Variants in CEP250 observed in about 807,000 individuals in gnomAD.
The protein encoded by CEP250 is centrosomal protein 250.
In CEP250, 242 loss-of-function variants were observed where a neutral mutation model predicts 315.7. The observed-to-expected ratio is 0.77, with a 90% CI of 0.69 to 0.85. CEP250 has a LOEUF of 0.85. Ranked by LOEUF, CEP250 falls within the 40% of genes least tolerant of loss-of-function variation. The pLI, the probability that CEP250 is intolerant of heterozygous loss-of-function variation, is 0.00. For missense variants in CEP250, 2,515 were observed against 2,886.4 expected (o/e 0.87, Z 2.95); for synonymous variants, 1,088 against 1,175.0 (o/e 0.93, Z 1.51).
At chr20:35,457,768 C>T (rs950999563) in intron 1 of CEP250, among the ~76,000 whole-genome samples, 1 of 152,154 alleles carries the variant, frequency 6.6e-6, no homozygotes, top group Non-Finnish European at 1.5e-5. Flanking sequence ...CAGTGCACTA[C>T]AGCCTGGGTA....
chr20:35,463,510 G>A, intron 4 of CEP250, 65 bp from the exon 5 acceptor site: 3 of 1,442,656 alleles, frequency 2.1e-6, no homozygotes, highest in Non-Finnish European at 1.9e-6. Context: ...ATCCTCAGGG[G>A]CCTTTGCTTT....
chr20:35,494,711 CT>C (rs758421679), intron 24 of CEP250, 54 bp downstream of exon 24: 75 of 1,603,588 alleles, frequency 4.7e-5, no homozygotes, highest in Non-Finnish European at 6.3e-5. Flanking sequence ...GCCATGGTCA[CT>C]GTGATATTGA....
intron 5 of CEP250, 87 bp downstream of exon 5, chr20:35,463,718 T>G: frequency 1.8e-6 from 2 of 1,110,504 alleles, no homozygotes; most frequent in African/African-American, 3.2e-5. Flanking sequence ...GAGGTTGGAG[T>G]GTACAAGTGA....
intron 7 of CEP250, among the ~76,000 whole-genome samples, chr20:35,466,535 C>G (rs1333623896): frequency 6.6e-6 from 1 of 152,006 alleles, no homozygotes; most frequent in Non-Finnish European, 1.5e-5. Context: ...TATCTAGATG[C>G]TAAGGAGGTA....
Position 35,509,979 on chromosome 20 carries a change from T to C in CEP250, c.7009-19T>C. On this transcript the variant is annotated intron_variant, in intron 33 of 34. Transcript: ENST00000397527. ...GTGGGAAGGCCTATGCCAACAAGAG[T>C]GCTGTTTGTCTTCCTTAGGATGGGA... The C allele has an allele frequency of 6.2e-7, 1 of 1,612,910 alleles. No individual in the cohort carries two copies. The highest frequency in any genetic ancestry group is 8.5e-7 in the Non-Finnish European group (1 of 1,178,982).
chr20:35,504,181 C>G lies in CEP250; in HGVS notation c.5812C>G (p.Arg1938Gly), dbSNP rs548722507. ...WLQAQAVLKE[R>G]DQELEALRAE... ...GCAGGCCCAGGCAGTGCTCAAGGAACGGGACCAGGAGCTGGAAGCTCTGCG... is the reference window on the plus strand; with the variant it reads ...GCAGGCCCAGGCAGTGCTCAAGGAAGGGGACCAGGAGCTGGAAGCTCTGCG... The change falls in exon 30 of 35, where the codon CGG (arginine) becomes GGG (glycine). Residue 1938 changes from arginine to glycine, a missense_variant. Transcript: ENST00000397527. The G allele has an allele frequency of 6.2e-7, 1 of 1,613,684 alleles. No individual in the cohort carries two copies. Among genetic ancestry groups the G allele is most frequent in the Non-Finnish European group, 8.5e-7 (1 of 1,179,854 alleles).
rs907832190 is a variant in CEP250, at chr20:35,455,771, G to A, written c.-298+20G>A. The A allele has an allele frequency of 6.6e-6, 1 of 152,272 alleles. No individual in the cohort carries two copies. The highest frequency in any genetic ancestry group is 2.4e-5 in the African/African-American group (1 of 41,464). 9.4% of individuals were successfully genotyped at this position (152,272 alleles called of 1,614,324 possible). On this transcript the variant is annotated intron_variant, in intron 1 of 34. Coordinates refer to ENST00000397527, the MANE Select transcript of CEP250 (RefSeq NM_007186.6). ...GACACCGTAAGCTCGTTCGTTAGAT[G>A]TTATGCCTTGCCTTTTTCATCTCTA... is the stretch of plus-strand genomic sequence containing the variant.
At chr20:35,497,000 G>A (rs544898697) in intron 25 of CEP250, among the ~76,000 whole-genome samples, 20 of 152,290 alleles carry the variant, frequency 1.3e-4, no homozygotes, top group South Asian at 1.2e-3. Flanking sequence ...CCAGCACACC[G>A]GCTTCAAAGT....
chr20:35,497,323 A>G (rs567110264), intron 25 of CEP250, among the ~76,000 whole-genome samples: 8 of 152,334 alleles, frequency 5.3e-5, no homozygotes, highest in Non-Finnish European at 1.0e-4. Flanking sequence ...CCTAATTCCT[A>G]TAACCATTAT....
In CEP250 at chr20:35,511,800, C is replaced by G. The variant is rs2064370415; in HGVS notation, c.*174C>G. On this transcript the variant is annotated 3_prime_UTR_variant, in exon 35 of 35. Transcript: ENST00000397527. ...TCTGCAACCCTGGGGAGGACCCCAACTCACCTGGGAATGAGGCAAATTGCA... is the reference window on the plus strand; with the variant it reads ...TCTGCAACCCTGGGGAGGACCCCAAGTCACCTGGGAATGAGGCAAATTGCA... The G allele has an allele frequency of 7.1e-7, 1 of 1,413,466 alleles. No individual in the cohort carries two copies. Among genetic ancestry groups the G allele is most frequent in the East Asian group, 2.5e-5 (1 of 39,486 alleles). 87.6% of individuals were successfully genotyped at this position (1,413,466 alleles called of 1,614,324 possible).
chr20:35,472,908 C>G, intron 12 of CEP250, 77 bp downstream of exon 12: 3 of 1,401,976 alleles, frequency 2.1e-6, no homozygotes, highest in Non-Finnish European at 3.0e-6. Flanking sequence ...ACCTCCCTAG[C>G]CTGGACTATC....
intron 10 of CEP250, among the ~76,000 whole-genome samples, chr20:35,470,937 G>A (rs2063010200): frequency 6.6e-6 from 1 of 152,172 alleles, no homozygotes; most frequent in South Asian, 2.1e-4. Context: ...GATGTTATCA[G>A]AGGGCTTCTC....
At chr20:35,506,386 A>G (rs1168396954) in intron 30 of CEP250, among the ~76,000 whole-genome samples, 2 of 152,168 alleles carry the variant, frequency 1.3e-5, no homozygotes, top group Non-Finnish European at 2.9e-5. Context: ...AGGGTGTATT[A>G]TTTAACCTCA....
intron 27 of CEP250, among the ~76,000 whole-genome samples, chr20:35,499,805 G>A (rs2063949875): frequency 1.3e-5 from 2 of 152,158 alleles, no homozygotes; most frequent in South Asian, 4.1e-4. Flanking sequence ...CAGGAGCTCT[G>A]TTTCAAAAGA....
intron 20 of CEP250, among the ~76,000 whole-genome samples, chr20:35,487,402 G>A (rs776542991): frequency 1.3e-5 from 2 of 152,022 alleles, no homozygotes; most frequent in African/African-American, 2.4e-5. Flanking sequence ...CCAGGGAGGT[G>A]GAGGTTGCAG....
chr20:35,501,886 G>T lies in CEP250; in HGVS notation c.3940G>T (p.Glu1314Ter). Residue 1314 changes from glutamate (E) to a stop codon, truncating the protein, a stop_gained, in exon 29 of 35, where the codon GAG (glutamate) becomes TAG (stop). Coordinates refer to ENST00000397527, the MANE Select transcript of CEP250 (RefSeq NM_007186.6). LOFTEE classifies it high-confidence loss of function. ...AGGAAAGCAGAACTCCCTAGAATCT[G>T]AGCTGATGGAACTACATGAAACTAT... ...WEGKQNSLES[E>*]LMELHETMAS... 1 of 1,613,590 alleles carries T rather than the reference G, an allele frequency of 6.2e-7. No homozygotes were observed.
chr20:35,518,337 G>C lies in CEP250; in HGVS notation c.*6711G>C, dbSNP rs900843223. On this transcript the variant is annotated 3_prime_UTR_variant, in exon 35 of 35. Coordinates refer to ENST00000397527, the MANE Select transcript of CEP250 (RefSeq NM_007186.6). The stretch of plus-strand genomic sequence containing the variant: ...CAATGTGTCAGGGATGTCGGTTTAT[G>C]TGGGATATTTGCATTTTGTTAGGTT... The C allele has an allele frequency of 2.6e-5, 4 of 152,196 alleles. No individual in the cohort carries two copies. Among genetic ancestry groups the C allele is most frequent in the Admixed American group, 2.6e-4 (4 of 15,284 alleles). 9.4% of individuals were successfully genotyped at this position (152,196 alleles called of 1,614,324 possible).
intron 34 of CEP250, 66 bp from the exon 35 acceptor site, chr20:35,511,297 G>T: frequency 7.3e-7 from 1 of 1,374,802 alleles, no homozygotes; most frequent in Middle Eastern, 1.9e-4. Flanking sequence ...CACAGAGCAG[G>T]AAGAGCTGGG....
Position 35,477,990 on chromosome 20 carries a change from C to A in CEP250, c.1983C>A (p.Asn661Lys). The A allele has an allele frequency of 6.2e-7, 1 of 1,613,954 alleles. No individual in the cohort carries two copies. Among genetic ancestry groups the A allele is most frequent in the Non-Finnish European group, 8.5e-7 (1 of 1,179,936 alleles). ...EKRREALWEK[N>K]THLEAQLQKA... ...GGAGGGAAGCCCTGTGGGAAAAGAA[C>A]ACTCACCTGGAGGCTCAGCTGCAGA... Residue 661 changes from asparagine to lysine, a missense_variant, in exon 17 of 35, where the codon AAC (asparagine) becomes AAA (lysine). By Grantham distance (94) the Asn-to-Lys change is moderately conservative. Transcript: ENST00000397527.
Sources: allele counts gnomAD v4.1 joint callset (sites outside exome capture counted in the v4.1 genomes callset), GRCh38; gene constraint gnomAD v4.1.1; transcripts MANE v1.5; gene names NCBI Gene and HGNC (gene_info 2026-07-23, HGNC 2026-07-21).